PIK3C2A: variants seen among roughly 807,000 people sequenced by gnomAD.
PIK3C2A encodes phosphatidylinositol-4-phosphate 3-kinase catalytic subunit type 2 alpha, also known as phosphatidylinositol 4-phosphate 3-kinase C2 domain-containing subunit alpha.
Under a neutral mutation model 204.5 loss-of-function variants are expected in PIK3C2A, and 97 were observed. The observed-to-expected ratio is 0.47, with a 90% CI of 0.40 to 0.56. PIK3C2A has a LOEUF of 0.56. Ranked by LOEUF, PIK3C2A falls within the 20% of genes least tolerant of loss-of-function variation. The probability of loss-of-function intolerance (pLI) is 0.00; values close to 1 mark genes in which losing one functional copy is unlikely to be tolerated. For synonymous variants in PIK3C2A, 653 were observed against 664.4 expected (o/e 0.98, Z 0.26); for missense variants, 1,735 against 1,969.2 (o/e 0.88, Z 2.25).
intron 1 of PIK3C2A, among the ~76,000 whole-genome samples, chr11:17,171,532 T>C (rs1045026577): frequency 2.6e-5 from 4 of 152,162 alleles, no homozygotes; most frequent in Non-Finnish European, 5.9e-5. Context: ...AAGGAGGTCA[T>C]GAAGAAAGAG....
chr11:17,202,869 C>G (rs1852436723), intron 1 of PIK3C2A, among the ~76,000 whole-genome samples: 1 of 152,140 alleles, frequency 6.6e-6, no homozygotes, highest in Non-Finnish European at 1.5e-5. Flanking sequence ...ATTAAGTGCA[C>G]CAACATTGCA....
At chr11:17,160,137 T>C (rs907660451) in intron 2 of PIK3C2A, among the ~76,000 whole-genome samples, 5 of 152,138 alleles carry the variant, frequency 3.3e-5, no homozygotes, top group Non-Finnish European at 1.5e-5. Flanking sequence ...CATCACAGCA[T>C]CTCGAGCATA....
At chr11:17,132,940 G>A (rs1163089168) in intron 11 of PIK3C2A, among the ~76,000 whole-genome samples, 1 of 152,152 alleles carries the variant, frequency 6.6e-6, no homozygotes. Context: ...AGGTAATCTT[G>A]TAAAGCAGGA....
In PIK3C2A at chr11:17,170,142, G is replaced by A. The variant is rs543161314; in HGVS notation, c.-65-336C>T. On this transcript the variant is annotated intron_variant, in intron 1 of 32. Coordinates refer to ENST00000691414, the MANE Select transcript of PIK3C2A (RefSeq NM_002645.4). ...TCTGGCAGAATTCTTAGCATGAAAT[G>A]ACTTAAGTGCTAGTCACATATTTTC... Among the ~76,000 whole-genome samples, 52 of 152,254 alleles carry A rather than the reference G, an allele frequency of 3.4e-4. 1 individual carries two copies. The Middle Eastern group carries it at 0.017, about 50-fold the overall frequency.
intron 3 of PIK3C2A, among the ~76,000 whole-genome samples, chr11:17,153,980 C>G (rs547064595): frequency 3.9e-5 from 6 of 152,274 alleles, no homozygotes; most frequent in African/African-American, 1.4e-4. Context: ...TCTTACTGCT[C>G]TAGTATTTGT....
intron 1 of PIK3C2A, among the ~76,000 whole-genome samples, chr11:17,178,905 A>G (rs1222987295): frequency 1.3e-5 from 2 of 149,798 alleles, no homozygotes; most frequent in Admixed American, 6.6e-5. Context: ...AATTTTTTGT[A>G]TTTTTAGTAG....
intron 4 of PIK3C2A, among the ~76,000 whole-genome samples, chr11:17,149,161 T>C (rs1004123744): frequency 2.0e-5 from 3 of 152,184 alleles, no homozygotes; most frequent in Non-Finnish European, 2.9e-5. Context: ...TATATTTACA[T>C]AGCATTTACA....
At chr11:17,178,884 C>T (rs1285766119) in intron 1 of PIK3C2A, among the ~76,000 whole-genome samples, 4 of 151,124 alleles carry the variant, frequency 2.6e-5, no homozygotes, top group Non-Finnish European at 5.9e-5. Flanking sequence ...CGCCCGCCAC[C>T]GCGCCCGGCT....
At chr11:17,174,466 C>CAT (rs1851276407) in intron 1 of PIK3C2A, among the ~76,000 whole-genome samples, 1 of 84,192 alleles carries the variant, frequency 1.2e-5, no homozygotes, top group Admixed American at 1.4e-4. Flanking sequence ...TAGTGGCGGG[C>CAT]GCCTGTAGTC....
intron 3 of PIK3C2A, among the ~76,000 whole-genome samples, chr11:17,151,009 T>C (rs1850407592): frequency 6.6e-6 from 1 of 152,184 alleles, no homozygotes; most frequent in South Asian, 2.1e-4. Context: ...TTTAAATTAT[T>C]CTATAGGCAA....
chr11:17,095,940 CAT>C (rs1848441900), intron 27 of PIK3C2A, among the ~76,000 whole-genome samples: 1 of 149,676 alleles, frequency 6.7e-6, no homozygotes, highest in Non-Finnish European at 1.5e-5. Context: ...AATAAAATAA[CAT>C]AACATAAAAT....
intron 15 of PIK3C2A, 33 bp downstream of exon 15, chr11:17,122,155 T>G (rs769680998): frequency 1.4e-6 from 2 of 1,421,576 alleles, no homozygotes; most frequent in African/African-American, 2.8e-5. Context: ...TTACAGGAGA[T>G]ACTTAGCCCA....
chr11:17,129,691 A>G (rs2137373276), intron 12 of PIK3C2A, among the ~76,000 whole-genome samples: 1 of 152,294 alleles, frequency 6.6e-6, no homozygotes, highest in South Asian at 2.1e-4. Flanking sequence ...TCCTGGGTTC[A>G]AGTGATTCTC....
chr11:17,181,496 G>A (rs1851550287), intron 1 of PIK3C2A, among the ~76,000 whole-genome samples: 1 of 151,402 alleles, frequency 6.6e-6, no homozygotes, highest in African/African-American at 2.4e-5. Flanking sequence ...AAGGCGCTGG[G>A]TGTGGCATGC....
chr11:17,118,293 A>C (rs1372859826), intron 18 of PIK3C2A, among the ~76,000 whole-genome samples: 1 of 150,852 alleles, frequency 6.6e-6, no homozygotes, highest in Non-Finnish European at 1.5e-5. Context: ...GGCTGGTCTT[A>C]AACTCCTGAG....
At chr11:17,139,781 C>T (rs1849998676) in intron 8 of PIK3C2A, among the ~76,000 whole-genome samples, 1 of 152,136 alleles carries the variant, frequency 6.6e-6, no homozygotes. Context: ...GGTTACAACC[C>T]CTTTGCTTCC....
rs74989804 is a variant in PIK3C2A at position 17,142,961 on chromosome 11, AT to A, written c.1704+2706del. 1.8e-3 allele frequency among the ~76,000 whole-genome samples: 249 copies of A among 142,008 alleles called. 1 individual carries two copies. Among genetic ancestry groups the A allele is most frequent in the South Asian group, 0.011 (50 of 4,500 alleles). 93.2% of individuals were successfully genotyped at this position (142,008 alleles called of 152,430 possible). ...TCCTGCGGCAGGGGGCGGGGTGGGG[AT>A]TTTTTTTTTTTTAAGATGGGCAACT... On this transcript the variant is annotated intron_variant, in intron 8 of 32. Transcript: ENST00000691414.
chr11:17,091,944 TAC>T, intron 30 of PIK3C2A, 50 bp downstream of exon 30: 2 of 1,106,352 alleles, frequency 1.8e-6, no homozygotes, highest in East Asian at 4.7e-5. Flanking sequence ...ATCGAGAAGT[TAC>T]AGACTTGCAG....
In PIK3C2A at chr11:17,205,751, G is replaced by C. The variant is rs189768277; in HGVS notation, c.-66+2097C>G. Among the ~76,000 whole-genome samples the C allele has an allele frequency of 5.3e-5, 8 of 152,270 alleles. No homozygotes were observed. The East Asian group carries it at 1.5e-3, about 29-fold the overall frequency. On this transcript the variant is annotated intron_variant, in intron 1 of 32. Coordinates refer to ENST00000691414, the MANE Select transcript of PIK3C2A (RefSeq NM_002645.4). ...ATTAATTGCAGAAGAAACAAACTTAGTATACAGTTATTCATTACAAAAAGT... is the reference window on the plus strand; with the variant it reads ...ATTAATTGCAGAAGAAACAAACTTACTATACAGTTATTCATTACAAAAAGT...
Sources: allele counts gnomAD v4.1 joint callset (sites outside exome capture counted in the v4.1 genomes callset), GRCh38; gene constraint gnomAD v4.1.1; transcripts MANE v1.5; gene names NCBI Gene and HGNC (gene_info 2026-07-23, HGNC 2026-07-21).